The following SREBF1 variants were observed in gnomAD, a reference collection of about 807,000 sequenced individuals.
The protein encoded by SREBF1 is sterol regulatory element-binding protein 1.
In SREBF1, 45 loss-of-function variants were observed where a neutral mutation model predicts 100.1. The observed-to-expected ratio is 0.45, with a 90% confidence interval of 0.35 to 0.58. The LOEUF (loss-of-function observed/expected upper bound fraction) is 0.58. Ranked by LOEUF, SREBF1 falls within the 20% of genes least tolerant of loss-of-function variation. The probability of loss-of-function intolerance (pLI) is 0.00; values close to 1 mark genes in which losing one functional copy is unlikely to be tolerated. For missense variants in SREBF1, 1,324 were observed against 1,539.4 expected (o/e 0.86, Z 2.34); for synonymous variants, 657 against 681.8 (o/e 0.96, Z 0.57).
rs553273927 is a variant in SREBF1, at chr17:17,824,811, C to G, written c.92-4290G>C. ...GTCCCTGCGGCCTCAACCTTGCTCT[C>G]TATTCAGGACCCTAAGCAAGAAAAC... On this transcript the variant is annotated intron_variant, in intron 1 of 18. Coordinates refer to ENST00000261646, the MANE Select transcript of SREBF1 (RefSeq NM_004176.5). This position sits in a 1 kb window ranked among gnomAD's most constrained non-coding sequence, Gnocchi z 4.2. 6.6e-6 allele frequency among the ~76,000 whole-genome samples: 1 copy of G among 152,318 alleles called. No homozygotes were observed. The highest frequency in any genetic ancestry group is 2.4e-5 in the African/African-American group (1 of 41,566).
chr17:17,818,887 G>T, intron 5 of SREBF1, 126 bp downstream of exon 5: 1 of 1,134,746 alleles, frequency 8.8e-7, no homozygotes, highest in Non-Finnish European at 1.3e-6. Context: ...GCCAGGCCTG[G>T]GGAGGCTGAA....
chr17:17,818,835 T>C (rs2074247128), intron 5 of SREBF1, 178 bp downstream of exon 5: 1 of 717,026 alleles, frequency 1.4e-6, no homozygotes, highest in Non-Finnish European at 2.4e-6. Context: ...CCACCTTTAT[T>C]GAAGAGGCCT....
chr17:17,812,640 G>C lies in SREBF1; in HGVS notation c.3426C>G (p.Thr1142=). The change falls in exon 19 of 19, where the codon ACC becomes ACG. Residue 1142 remains threonine (T), a synonymous_variant. Coordinates refer to ENST00000261646, the MANE Select transcript of SREBF1 (RefSeq NM_004176.5). The part of the protein sequence containing the change: ...QQMLMRLGGG[T]TVTSS ...ACGGGGTCTAGCTGGAAGTGACAGT[G>C]GTCCCACCGCCCAGGCGCATGAGCA... is the stretch of plus-strand genomic sequence containing the variant. The C allele has an allele frequency of 1.9e-6, 3 of 1,606,276 alleles. No homozygotes were observed. Among genetic ancestry groups the C allele is most frequent in the Non-Finnish European group, 2.5e-6 (3 of 1,176,510 alleles).
Position 17,812,360 on chromosome 17 carries a change from G to C in SREBF1, c.*262C>G. On this transcript the variant is annotated 3_prime_UTR_variant, in exon 19 of 19. Coordinates refer to ENST00000261646, the MANE Select transcript of SREBF1 (RefSeq NM_004176.5). ...GCCACTAAGGTGCCTGCAGAGCAAG[G>C]AGGGGGGCCCCCCAAAATGGCTCGG... 1 of 579,178 alleles carries C rather than the reference G, an allele frequency of 1.7e-6. No homozygotes were observed. The highest frequency in any genetic ancestry group is 4.6e-4 in the Middle Eastern group (1 of 2,184). 35.9% of individuals were successfully genotyped at this position (579,178 alleles called of 1,614,324 possible).
chr17:17,816,205 A>ACCCCCGCCACCCCACACCCCTGCCTCCCC lies in SREBF1; in HGVS notation c.2214+1_2214+2insGGGGAGGCAGGGGTGTGGGGTGGCGGGGG. 2.4e-5 allele frequency: 27 copies of ACCCCCGCCACCCCACACCCCTGCCTCCCC among 1,123,352 alleles called. No individual in the cohort carries two copies. Among genetic ancestry groups the ACCCCCGCCACCCCACACCCCTGCCTCCCC allele is most frequent in the Non-Finnish European group, 2.9e-5 (26 of 883,120 alleles). The allele number at this position is 1,123,352 out of a possible 1,614,324, so 69.6% of individuals were successfully genotyped here. A position where few individuals can be genotyped will look rare whatever the true frequency, so the allele number is the denominator to read the frequency against. ...AAGCCCCCAGCCCCCCAACCCACTC[A>ACCCCCGCCACCCCACACCCCTGCCTCCCC]CTGTCAGAAAATGCAAGGCCCGTGG... On this transcript the variant is annotated splice_donor_variant, in intron 11 of 18. Coordinates refer to ENST00000261646, the MANE Select transcript of SREBF1 (RefSeq NM_004176.5). LOFTEE classifies it high-confidence loss of function.
intron 16 of SREBF1, chr17:17,813,973 G>A (rs1222427269): frequency 2.9e-6 from 2 of 678,996 alleles, no homozygotes; most frequent in East Asian, 2.7e-5. Context: ...GGGAGCAGCT[G>A]TCCAGCCCTC....
At chr17:17,814,209 C>G in intron 16 of SREBF1, 36 bp downstream of exon 16, 1 of 1,578,106 alleles carries the variant, frequency 6.3e-7, no homozygotes, top group Non-Finnish European at 8.6e-7. Flanking sequence ...AAGCTGAATC[C>G]CCCAGCCCTG....
intron 1 of SREBF1, among the ~76,000 whole-genome samples, chr17:17,821,259 C>G (rs1254108513): frequency 6.6e-6 from 1 of 152,166 alleles, no homozygotes; most frequent in Non-Finnish European, 1.5e-5. Flanking sequence ...CTCCTGCCCT[C>G]TCCACAGTCC....
At position 17,816,302 on chromosome 17, in the gene SREBF1, C is replaced by T. The variant is rs757112939; in HGVS notation, c.2119G>A (p.Gly707Arg). The T allele has an allele frequency of 6.3e-7, 1 of 1,593,576 alleles. No individual in the cohort carries two copies. Among genetic ancestry groups the T allele is most frequent in the Non-Finnish European group, 8.5e-7 (1 of 1,172,382 alleles). Residue 707 changes from glycine to arginine, a missense_variant, in exon 11 of 19, where the codon GGG (glycine) becomes AGG (arginine). Gly to Arg is a moderately radical substitution (Grantham distance 125, BLOSUM62 -2). Coordinates refer to ENST00000261646, the MANE Select transcript of SREBF1 (RefSeq NM_004176.5). ...LSALNLAECA[G>R]DAVSVATLAE... ...AGCGTCGCCACAGACACGGCATCCC[C>T]TGCACACTCTGCCAGGTTCAGGGCA...
intron 16 of SREBF1, 174 bp downstream of exon 16, chr17:17,814,071 C>T (rs1278601433): frequency 2.6e-6 from 2 of 762,038 alleles, no homozygotes; most frequent in African/African-American, 3.5e-5. Context: ...TAGGGGCAAC[C>T]CCTCTCCTCT....
intron 1 of SREBF1, 67 bp downstream of exon 1, chr17:17,836,660 G>C: frequency 6.8e-7 from 1 of 1,474,270 alleles, no homozygotes; most frequent in Non-Finnish European, 9.2e-7. Flanking sequence ...AAAGGCCAGG[G>C]AGACACCTGC....
chr17:17,820,635 A>G (rs2034032086), intron 1 of SREBF1, 114 bp from the exon 2 acceptor site: 3 of 1,184,936 alleles, frequency 2.5e-6, no homozygotes, highest in East Asian at 2.5e-5. Context: ...ACACAGCTGT[A>G]TGTGTGGGCA....
At position 17,820,420 on chromosome 17, in the gene SREBF1, C is replaced by A; in HGVS notation, c.193G>T (p.Asp65Tyr). 3.7e-6 allele frequency: 6 copies of A among 1,613,090 alleles called. No individual in the cohort carries two copies. Among genetic ancestry groups the A allele is most frequent in the Non-Finnish European group, 5.1e-6 (6 of 1,179,304 alleles). Residue 65 changes from aspartate (D) to tyrosine (Y), a missense_variant, in exon 2 of 19, where the codon GAT becomes TAT. By Grantham distance (160) the Asp-to-Tyr change is radical. Coordinates refer to ENST00000261646, the MANE Select transcript of SREBF1 (RefSeq NM_004176.5). The part of the protein sequence containing the change: ...GAGGTDPASP[D>Y]TSSPGSLSPP... Reference sequence around the variant, plus strand: ...GACAAGCTGCCTGGGGAGCTGGTATCGGGGCTGGCAGGGTCTGTGCCCCCT... The same window carrying A: ...GACAAGCTGCCTGGGGAGCTGGTATAGGGGCTGGCAGGGTCTGTGCCCCCT...
Position 17,812,968 on chromosome 17 carries a change from C to T in SREBF1, c.3215-117G>A. The T allele has an allele frequency of 4.9e-6, 5 of 1,011,620 alleles. No homozygotes were observed. In the South Asian group the frequency reaches 6.8e-5, roughly 14 times the overall value. The allele number at this position is 1,011,620 out of a possible 1,614,324, so 62.7% of individuals were successfully genotyped here. On this transcript the variant is annotated intron_variant, in intron 18 of 18. Coordinates refer to ENST00000261646, the MANE Select transcript of SREBF1 (RefSeq NM_004176.5). ...CTGTACCTGGCACACAGGTACCTGG[C>T]GGGGGCCTGGCGGGTTCCCCTCTCC...
rs1007126944 is a variant in SREBF1, at chr17:17,817,989, G to A, written c.1184-73C>T. On this transcript the variant is annotated intron_variant, in intron 6 of 18. Coordinates refer to ENST00000261646, the MANE Select transcript of SREBF1 (RefSeq NM_004176.5). This position sits in a 1 kb window ranked among gnomAD's most constrained non-coding sequence, Gnocchi z 6.6. ...CCCCAAATCAGAGCCTAGGCCCTTG[G>A]AGGCCTAGGGACTACTGTAGCTCCT... 4.7e-5 allele frequency: 68 copies of A among 1,449,926 alleles called. No homozygotes were observed. The Admixed American group carries it at 1.1e-3, about 24-fold the overall frequency. The allele number at this position is 1,449,926 out of a possible 1,614,324, so 89.8% of individuals were successfully genotyped here. A position where few individuals can be genotyped will look rare whatever the true frequency, so the allele number is the denominator to read the frequency against.
At chr17:17,819,943 G>T in intron 2 of SREBF1, 147 bp downstream of exon 2, 2 of 1,142,590 alleles carry the variant, frequency 1.8e-6, no homozygotes, top group Non-Finnish European at 2.4e-6. Flanking sequence ...CACCAGGACT[G>T]CTAGTAACAG....
Position 17,816,035 on chromosome 17 carries a change from G to A in SREBF1, c.2215-7C>T. ...CACTGCTCAGGAAGAAGCGCTGTAG[G>A]GGAGGGTACTGGGCTGTCACAGTGG... On this transcript the variant is annotated splice_region_variant and splice_polypyrimidine_tract_variant and intron_variant, in intron 11 of 18. Transcript: ENST00000261646. 6.2e-7 allele frequency: 1 copy of A among 1,611,514 alleles called. No homozygotes were observed. Among genetic ancestry groups the A allele is most frequent in the East Asian group, 2.2e-5 (1 of 44,864 alleles).
At chr17:17,823,574 C>A (rs139067895) in intron 1 of SREBF1, 1 of 1,613,436 alleles carries the variant, frequency 6.2e-7, no homozygotes, top group East Asian at 2.2e-5. Flanking sequence ...GGCGTCCAGG[C>A]CGTTGGCCCT....
At chr17:17,828,326 G>A (rs544637727) in intron 1 of SREBF1, among the ~76,000 whole-genome samples, 1 of 152,236 alleles carries the variant, frequency 6.6e-6, no homozygotes, top group South Asian at 2.1e-4. Context: ...CCTTGTCTGT[G>A]CCCCTCCACA....
Sources: gnomAD v4.1 joint callset for allele counts (sites outside exome capture counted in the v4.1 genomes callset) on GRCh38, gnomAD v4.1.1 for gene constraint, Gnocchi (gnomAD v3.1) non-coding constraint, MANE v1.5 for transcripts, NCBI Gene and HGNC (gene_info 2026-07-23, HGNC 2026-07-21) for gene names.